The following SFRP1 variants were observed in gnomAD, a reference collection of about 807,000 sequenced individuals.
SFRP1 encodes the protein secreted frizzled-related protein 1.
SFRP1 carries 9 observed loss-of-function variants against 25.9 expected under a neutral mutation model. The observed-to-expected ratio is 0.35, with a 90% CI of 0.21 to 0.61. SFRP1 has a LOEUF of 0.61. Among genes scored for constraint, SFRP1 ranks in the 20% least tolerant of loss-of-function variants. The pLI is 0.78. For synonymous variants in SFRP1, 178 were observed against 174.0 expected (o/e 1.02, Z -0.18); for missense variants, 346 against 418.2 (o/e 0.83, Z 1.51).
intron 2 of SFRP1, chr8:41,276,899 G>A (rs970383195): frequency 2.2e-6 from 1 of 456,122 alleles, no homozygotes; most frequent in Non-Finnish European, 4.4e-6. Flanking sequence ...ACATATGAAC[G>A]CACACACGCA....
intron 2 of SFRP1, among the ~76,000 whole-genome samples, chr8:41,288,002 G>C (rs1261608018): frequency 1.3e-5 from 2 of 152,064 alleles, no homozygotes; most frequent in East Asian, 3.9e-4. Flanking sequence ...AGGATAACTT[G>C]AGGCCAGGAG....
At chr8:41,276,967 G>A (rs1190680502) in intron 2 of SFRP1, 1 of 456,230 alleles carries the variant, frequency 2.2e-6, no homozygotes, top group African/African-American at 2.0e-5. Flanking sequence ...CACACCAGCA[G>A]CATCGGTGTC....
intron 2 of SFRP1, among the ~76,000 whole-genome samples, chr8:41,287,723 T>C (rs1187619600): frequency 6.6e-6 from 1 of 152,226 alleles, no homozygotes; most frequent in Non-Finnish European, 1.5e-5. Context: ...AGAAATACAT[T>C]ACCATTACTA....
At chr8:41,269,334 T>C (rs1485512813) in intron 2 of SFRP1, among the ~76,000 whole-genome samples, 4 of 152,220 alleles carry the variant, frequency 2.6e-5, no homozygotes, top group East Asian at 1.9e-4. Context: ...CACCTAGGCA[T>C]AGCTGCCAGC....
chr8:41,302,780 T>A (rs1163433346), intron 2 of SFRP1, among the ~76,000 whole-genome samples: 1 of 151,618 alleles, frequency 6.6e-6, no homozygotes, highest in Non-Finnish European at 1.5e-5. Flanking sequence ...CCCTGGCATC[T>A]CCCCCACCTC....
chr8:41,291,589 C>T (rs568892366), intron 2 of SFRP1, among the ~76,000 whole-genome samples: 338 of 152,228 alleles, frequency 2.2e-3, no homozygotes, highest in Non-Finnish European at 4.1e-3. Flanking sequence ...TGTATGCTCC[C>T]GTGGCTCCCA....
chr8:41,303,052 TAAA>T (rs397891660), intron 2 of SFRP1, among the ~76,000 whole-genome samples: 5,229 of 101,088 alleles, frequency 0.052, 183 homozygotes, highest in African/African-American at 0.12. Context: ...GGGTAGATGT[TAAA>T]AAAAAAAAAA....
intron 2 of SFRP1, among the ~76,000 whole-genome samples, chr8:41,267,036 C>T (rs1803444431): frequency 6.6e-6 from 1 of 152,008 alleles, no homozygotes; most frequent in Non-Finnish European, 1.5e-5. Context: ...ACAGGCAGCA[C>T]TAATGTTCTG....
At chr8:41,291,946 C>T (rs1454720709) in intron 2 of SFRP1, among the ~76,000 whole-genome samples, 1 of 152,108 alleles carries the variant, frequency 6.6e-6, no homozygotes, top group Non-Finnish European at 1.5e-5. Context: ...CAGCGAGGTA[C>T]CCTAGTGTGG....
chr8:41,277,512 G>A (rs747324616), intron 2 of SFRP1, among the ~76,000 whole-genome samples: 2 of 152,234 alleles, frequency 1.3e-5, no homozygotes, highest in Non-Finnish European at 2.9e-5. Flanking sequence ...ATGCTAGAGT[G>A]AGCATCATCA....
intron 2 of SFRP1, among the ~76,000 whole-genome samples, chr8:41,267,940 A>G (rs2117478384): frequency 6.6e-6 from 1 of 152,348 alleles, no homozygotes; most frequent in Non-Finnish European, 1.5e-5. Context: ...TTTCAAAATG[A>G]CTTCACTTAT....
At chr8:41,275,131 C>T (rs1051482585) in intron 2 of SFRP1, 1 of 432,136 alleles carries the variant, frequency 2.3e-6, no homozygotes, top group Non-Finnish European at 4.6e-6. Flanking sequence ...CTGGAAGAGA[C>T]GTTAAATCTG....
chr8:41,305,497 G>A (rs1260981145), intron 1 of SFRP1, among the ~76,000 whole-genome samples: 2 of 152,140 alleles, frequency 1.3e-5, no homozygotes, highest in Non-Finnish European at 2.9e-5. Flanking sequence ...GGCTGACTCT[G>A]GAGCAGCCTG....
chr8:41,275,332 T>TTTA, intron 2 of SFRP1: 1 of 244,458 alleles, frequency 4.1e-6, no homozygotes, highest in South Asian at 3.2e-5. Context: ...AAGGTGCTGT[T>TTTA]AAAAAAAAAA....
chr8:41,301,235 C>T (rs1004842970), intron 2 of SFRP1, among the ~76,000 whole-genome samples: 6 of 152,166 alleles, frequency 3.9e-5, no homozygotes, highest in Non-Finnish European at 8.8e-5. Flanking sequence ...AAAGTTTGAT[C>T]CCTGGAGGAG....
chr8:41,301,081 A>G (rs1406866443), intron 2 of SFRP1, among the ~76,000 whole-genome samples: 3 of 152,140 alleles, frequency 2.0e-5, no homozygotes, highest in Non-Finnish European at 4.4e-5. Context: ...AGCTCCACAG[A>G]GGCTCCCGGA....
rs376447571 is a variant in SFRP1 at position 41,273,122 on chromosome 8, T to A, written c.623-7633A>T. Among the ~76,000 whole-genome samples, 6 of 152,190 alleles carry A rather than the reference T, an allele frequency of 3.9e-5. 1 individual carries two copies. The highest frequency in any genetic ancestry group is 3.9e-4 in the Admixed American group (6 of 15,276). ...GGCATTAACAGGTTTTAAAACATCA[T>A]CTCCCATGTATCTTTTCTTAGGAAA... On this transcript the variant is annotated intron_variant, in intron 2 of 2. Transcript: ENST00000220772.
chr8:41,275,107 T>C (rs1803555426), intron 2 of SFRP1: 1 of 402,782 alleles, frequency 2.5e-6, no homozygotes, highest in East Asian at 9.3e-5. Context: ...AGAATGCAAA[T>C]TATTTACTTA....
At chr8:41,272,846 C>A (rs1175284661) in intron 2 of SFRP1, among the ~76,000 whole-genome samples, 1 of 152,054 alleles carries the variant, frequency 6.6e-6, no homozygotes, top group Non-Finnish European at 1.5e-5. Flanking sequence ...GAACATGAGT[C>A]CTCAGGTTAA....
Sources: gnomAD v4.1 joint callset for allele counts (sites outside exome capture counted in the v4.1 genomes callset) on GRCh38, gnomAD v4.1.1 for gene constraint, MANE v1.5 for transcripts, NCBI Gene and HGNC (gene_info 2026-07-23, HGNC 2026-07-21) for gene names.